The following SIMC1 variants were observed in gnomAD, a reference collection of about 807,000 sequenced individuals.
SIMC1 encodes the protein SUMO interacting motifs containing 1.
In SIMC1, 55 loss-of-function variants were observed where a neutral mutation model predicts 82.3. The observed-to-expected ratio is 0.67, with a 90% CI of 0.54 to 0.84. SIMC1 has a LOEUF of 0.84. Among genes scored for constraint, SIMC1 ranks in the 40% least tolerant of loss-of-function variants. SIMC1 has a pLI of 0.00. For synonymous variants in SIMC1, 353 were observed against 426.3 expected, an observed-to-expected ratio of 0.83 and a Z score of 2.12; for missense variants, 915 against 1,107.2, an observed-to-expected ratio of 0.83 and a Z score of 2.46.
chr5:176,270,740 A>G (rs2560185), intron 1 of SIMC1, among the ~76,000 whole-genome samples: 4 of 152,244 alleles, frequency 2.6e-5, no homozygotes, highest in African/African-American at 9.6e-5. Flanking sequence ...AAAACAACAC[A>G]TGGCAGAATT....
At chr5:176,253,126 G>C (rs943906039) in intron 1 of SIMC1, among the ~76,000 whole-genome samples, 3 of 152,320 alleles carry the variant, frequency 2.0e-5, no homozygotes, top group African/African-American at 7.2e-5. Context: ...GAGGGAGACT[G>C]TGGAAAGGGG....
intron 4 of SIMC1, among the ~76,000 whole-genome samples, chr5:176,306,003 C>T (rs1314561293): frequency 4.7e-5 from 3 of 63,458 alleles, no homozygotes; most frequent in East Asian, 4.9e-4. Flanking sequence ...GCCCCCCGCC[C>T]GGCCAGCCGC....
chr5:176,292,227 C>T (rs1283458948), intron 2 of SIMC1, among the ~76,000 whole-genome samples: 13 of 152,146 alleles, frequency 8.5e-5, no homozygotes, highest in Non-Finnish European at 1.3e-4. Flanking sequence ...AGTGGGAATG[C>T]TCCTTTCCAT....
intron 9 of SIMC1, 35 bp from the exon 10 acceptor site, chr5:176,345,148 T>C (rs1766383989): frequency 2.5e-6 from 4 of 1,596,204 alleles, no homozygotes; most frequent in Non-Finnish European, 2.6e-6. Context: ...AAAAAGCAGT[T>C]CAGAGCACCC....
In SIMC1 at chr5:176,314,140, G is replaced by A. The variant is rs527579613; in HGVS notation, c.1889+295G>A. Among the ~76,000 whole-genome samples the A allele has an allele frequency of 5.3e-5, 8 of 152,256 alleles. No individual in the cohort carries two copies. The South Asian group carries it at 1.7e-3, about 32-fold the overall frequency. ...AAATTAGCAGGGCGTGGTGGCGTAT[G>A]CCTGTAATTCCAGCTACTTGGGAGG... On this transcript the variant is annotated intron_variant, in intron 5 of 9. Transcript: ENST00000429602.
chr5:176,303,389 G>A (rs933204177), intron 4 of SIMC1, among the ~76,000 whole-genome samples: 18 of 148,134 alleles, frequency 1.2e-4, no homozygotes, highest in Non-Finnish European at 2.1e-4. Context: ...GTGTGATGGC[G>A]CAATCTCAGC....
chr5:176,336,181 G>A (rs779193814), intron 7 of SIMC1, among the ~76,000 whole-genome samples: 7 of 152,004 alleles, frequency 4.6e-5, no homozygotes, highest in Non-Finnish European at 1.0e-4. Context: ...GCCCCTCGTA[G>A]ACCACTCTCA....
At chr5:176,291,451 C>T (rs1247709998) in intron 2 of SIMC1, among the ~76,000 whole-genome samples, 1 of 151,712 alleles carries the variant, frequency 6.6e-6, no homozygotes, top group Non-Finnish European at 1.5e-5. Flanking sequence ...ATTCGCTTGC[C>T]TCAGCCTCCC....
chr5:176,256,758 T>G (rs1268738230), intron 1 of SIMC1, among the ~76,000 whole-genome samples: 4 of 150,260 alleles, frequency 2.7e-5, no homozygotes, highest in Admixed American at 1.3e-4. Flanking sequence ...TTTGTAACAT[T>G]TTTTTTTTTA....
chr5:176,269,420 G>A (rs762599255), intron 1 of SIMC1, among the ~76,000 whole-genome samples: 79 of 148,356 alleles, frequency 5.3e-4, no homozygotes, highest in Non-Finnish European at 6.3e-4. Context: ...TTTGATAAAT[G>A]AAATGGACAA....
chr5:176,301,778 C>CAAAA (rs528674679), intron 4 of SIMC1, among the ~76,000 whole-genome samples: 1 of 98,498 alleles, frequency 1.0e-5, no homozygotes, highest in South Asian at 3.4e-4. Flanking sequence ...GACTCTGTCT[C>CAAAA]AAAAAAAAAA....
intron 4 of SIMC1, among the ~76,000 whole-genome samples, chr5:176,306,064 G>T (rs1261937498): frequency 1.3e-5 from 1 of 78,986 alleles, no homozygotes; most frequent in Non-Finnish European, 2.7e-5. Context: ...CCGGCCAGCC[G>T]CTCCGTCCGG....
At chr5:176,336,068 A>ATGGG (rs113895891) in intron 7 of SIMC1, among the ~76,000 whole-genome samples, 1 of 144,000 alleles carries the variant, frequency 6.9e-6, no homozygotes, top group Non-Finnish European at 1.5e-5. Flanking sequence ...GTGAGGGATG[A>ATGGG]AGGGAGAGGG....
intron 4 of SIMC1, among the ~76,000 whole-genome samples, chr5:176,305,136 A>AGGG (rs571678400): frequency 3.1e-5 from 1 of 32,674 alleles, no homozygotes; most frequent in Non-Finnish European, 6.1e-5. Context: ...GCCATCCAGG[A>AGGG]GGGGGGGGGG....
chr5:176,272,261 C>T (rs540287261), intron 1 of SIMC1, among the ~76,000 whole-genome samples: 1 of 149,066 alleles, frequency 6.7e-6, no homozygotes, highest in South Asian at 2.1e-4. Context: ...CATAGGATCA[C>T]TCCACTGCAC....
At chr5:176,270,015 C>T (rs1762358269) in intron 1 of SIMC1, among the ~76,000 whole-genome samples, 1 of 151,584 alleles carries the variant, frequency 6.6e-6, no homozygotes, top group Admixed American at 6.6e-5. Context: ...CCTAGGCCTC[C>T]CAAAGTGCTG....
In SIMC1 at chr5:176,286,691, A is replaced by G. The variant is rs533483568; in HGVS notation, c.130-2963A>G. Among the ~76,000 whole-genome samples, 17 of 152,388 alleles carry G rather than the reference A, an allele frequency of 1.1e-4. No individual in the cohort carries two copies. In the East Asian group the frequency reaches 3.3e-3, roughly 29 times the overall value. On this transcript the variant is annotated intron_variant, in intron 1 of 9. Coordinates refer to ENST00000429602, the MANE Select transcript of SIMC1 (RefSeq NM_001308195.2). The stretch of plus-strand genomic sequence containing the variant: ...AAAAGAAACTACCATCAGAGTGAAC[A>G]GGCAACCTACAGAATGGGAGAAAAT...
At chr5:176,242,018 G>A (rs1761292488) in intron 1 of SIMC1, among the ~76,000 whole-genome samples, 1 of 152,006 alleles carries the variant, frequency 6.6e-6, no homozygotes, top group Non-Finnish European at 1.5e-5. Context: ...CAAGGTTTAC[G>A]ATATTACCCT....
At chr5:176,266,331 A>T (rs1762211350) in intron 1 of SIMC1, among the ~76,000 whole-genome samples, 1 of 152,012 alleles carries the variant, frequency 6.6e-6, no homozygotes, top group Non-Finnish European at 1.5e-5. Flanking sequence ...CAAACAAGAA[A>T]AATCATACGA....
Sources: allele counts gnomAD v4.1 joint callset (sites outside exome capture counted in the v4.1 genomes callset), GRCh38; gene constraint gnomAD v4.1.1; transcripts MANE v1.5; gene names NCBI Gene and HGNC (gene_info 2026-07-23, HGNC 2026-07-21).